Variants in KIAA0825 observed in about 807,000 individuals in gnomAD.
KIAA0825 encodes uncharacterized protein KIAA0825.
In KIAA0825, 119 loss-of-function variants were observed where a neutral mutation model predicts 147.6. The observed-to-expected ratio is 0.81, with a 90% confidence interval of 0.69 to 0.94. The LOEUF is 0.94. Among genes scored for constraint, KIAA0825 ranks in the 40% least tolerant of loss-of-function variants. The pLI, the probability that KIAA0825 is intolerant of heterozygous loss-of-function variation, is 0.00. For missense variants in KIAA0825, 1,381 were observed against 1,472.7 expected (o/e 0.94, Z 1.02); for synonymous variants, 470 against 518.1 (o/e 0.91, Z 1.26).
At chr5:94,209,888 T>C (rs1772545476) in intron 20 of KIAA0825, among the ~76,000 whole-genome samples, 1 of 152,180 alleles carries the variant, frequency 6.6e-6, no homozygotes, top group Admixed American at 6.5e-5. Flanking sequence ...GTTGAACCGA[T>C]TCACCACCCA....
At chr5:94,469,821 A>T (rs1562528457) in intron 10 of KIAA0825, 140 bp downstream of exon 10, 1 of 633,054 alleles carries the variant, frequency 1.6e-6, no homozygotes, top group East Asian at 3.0e-5. Flanking sequence ...CCTAAGTATG[A>T]ATTCAATATT....
intron 20 of KIAA0825, among the ~76,000 whole-genome samples, chr5:94,341,870 G>C (rs1336692622): frequency 2.6e-5 from 4 of 152,058 alleles, no homozygotes; most frequent in Non-Finnish European, 5.9e-5. Context: ...ACTATACTGA[G>C]GGAAATAAAG....
intron 20 of KIAA0825, among the ~76,000 whole-genome samples, chr5:94,210,532 G>C (rs1274489442): frequency 6.6e-6 from 1 of 152,106 alleles, no homozygotes; most frequent in Non-Finnish European, 1.5e-5. Flanking sequence ...TAGGAAACCG[G>C]CTCTGCAAGC....
intron 2 of KIAA0825, among the ~76,000 whole-genome samples, chr5:94,547,365 A>G (rs1774611177): frequency 6.6e-6 from 1 of 152,182 alleles, no homozygotes; most frequent in Non-Finnish European, 1.5e-5. Context: ...AGAAGGTTAT[A>G]GAACACCAAG....
chr5:94,260,885 T>C (rs1776457906), intron 20 of KIAA0825, among the ~76,000 whole-genome samples: 1 of 152,164 alleles, frequency 6.6e-6, no homozygotes, highest in African/African-American at 2.4e-5. Context: ...ACACCAAAAA[T>C]CTAAGCTTCC....
At chr5:94,446,803 C>G (rs1757785810) in intron 13 of KIAA0825, among the ~76,000 whole-genome samples, 1 of 152,134 alleles carries the variant, frequency 6.6e-6, no homozygotes, top group South Asian at 2.1e-4. Flanking sequence ...TTTGAGAAAA[C>G]TCTTGCTACA....
Position 94,396,701 on chromosome 5 carries a change from G to GT in KIAA0825, c.2888-193dup, listed in dbSNP as rs199881348. 3.3e-3 allele frequency among the ~76,000 whole-genome samples: 473 copies of GT among 144,972 alleles called. 3 individuals carry two copies. Among genetic ancestry groups the GT allele is most frequent in the African/African-American group, 7.9e-3 (315 of 39,676 alleles). On this transcript the variant is annotated intron_variant, in intron 16 of 20. Transcript: ENST00000682413. ...CTAAAATTCCCCCAAATCAAAATCT[G>GT]TTTTTTTTTTTCTCTCATAAATGAT...
intron 5 of KIAA0825, among the ~76,000 whole-genome samples, chr5:94,498,976 G>A (rs1443502707): frequency 2.6e-5 from 4 of 152,062 alleles, no homozygotes; most frequent in Admixed American, 2.0e-4. Flanking sequence ...GGTCTTATAA[G>A]GTTTTTCTCC....
chr5:94,408,515 TTG>T (rs3050853), intron 15 of KIAA0825, among the ~76,000 whole-genome samples: 2,114 of 147,024 alleles, frequency 0.014, 26 homozygotes, highest in South Asian at 0.03. Flanking sequence ...CTCAGCTAAT[TTG>T]TGTGTGTGTG....
chr5:94,299,607 A>G (rs1778295175), intron 20 of KIAA0825, among the ~76,000 whole-genome samples: 1 of 152,160 alleles, frequency 6.6e-6, no homozygotes, highest in African/African-American at 2.4e-5. Context: ...AAAACTGTTA[A>G]GGTGAATTCT....
chr5:94,527,707 G>A (rs566110667), intron 3 of KIAA0825, among the ~76,000 whole-genome samples: 3 of 151,954 alleles, frequency 2.0e-5, no homozygotes, highest in South Asian at 2.1e-4. Context: ...CTGAAATTTC[G>A]ATTCTGTTAC....
At chr5:94,214,844 C>A (rs1334610733) in intron 20 of KIAA0825, among the ~76,000 whole-genome samples, 2 of 152,076 alleles carry the variant, frequency 1.3e-5, no homozygotes, top group Non-Finnish European at 2.9e-5. Flanking sequence ...GAGGGCCTAG[C>A]CTGAGTTTTG....
At chr5:94,204,244 T>C (rs1448562178) in intron 20 of KIAA0825, among the ~76,000 whole-genome samples, 2 of 152,188 alleles carry the variant, frequency 1.3e-5, no homozygotes, top group Non-Finnish European at 2.9e-5. Flanking sequence ...TTGTGACAAA[T>C]AGCCAAATAT....
intron 20 of KIAA0825, among the ~76,000 whole-genome samples, chr5:94,358,103 A>T (rs1235081699): frequency 6.6e-6 from 1 of 152,216 alleles, no homozygotes; most frequent in Admixed American, 6.5e-5. Flanking sequence ...TTATCTATAA[A>T]TGTTTAATCA....
intron 1 of KIAA0825, among the ~76,000 whole-genome samples, chr5:94,614,154 A>C (rs767178721): frequency 1.2e-4 from 19 of 152,228 alleles, no homozygotes; most frequent in Non-Finnish European, 2.6e-4. Flanking sequence ...TTGACATGGA[A>C]AAATTCATGG....
At chr5:94,230,759 A>T (rs1313425645) in intron 20 of KIAA0825, among the ~76,000 whole-genome samples, 1 of 152,158 alleles carries the variant, frequency 6.6e-6, no homozygotes, top group Non-Finnish European at 1.5e-5. Flanking sequence ...AGCCATGTAA[A>T]CCTACTGAGC....
At position 94,218,729 on chromosome 5, in the gene KIAA0825, A is replaced by G. The variant is rs536663398; in HGVS notation, c.3711-64605T>C. 7.9e-5 allele frequency among the ~76,000 whole-genome samples: 12 copies of G among 152,266 alleles called. No homozygotes were observed. The South Asian group carries it at 1.7e-3, about 21-fold the overall frequency. ...GTGTCCTGCCTCTACCCTCTAATTT[A>G]TGCTCCTTCCTCCTCACTGCATATT... is the stretch of plus-strand genomic sequence containing the variant. On this transcript the variant is annotated intron_variant, in intron 20 of 20. Coordinates refer to ENST00000682413, the MANE Select transcript of KIAA0825 (RefSeq NM_001145678.3).
intron 20 of KIAA0825, among the ~76,000 whole-genome samples, chr5:94,169,876 A>C (rs1768439013): frequency 6.6e-6 from 1 of 152,162 alleles, no homozygotes; most frequent in Admixed American, 6.6e-5. Flanking sequence ...CAATTTTATG[A>C]GATGGGTTAA....
At chr5:94,428,142 GTT>G (rs1755145241) in intron 14 of KIAA0825, among the ~76,000 whole-genome samples, 1 of 111,976 alleles carries the variant, frequency 8.9e-6, no homozygotes, top group African/African-American at 3.3e-5. Flanking sequence ...ATAAGGTCTT[GTT>G]GTGTGTGTGT....
Sources: gnomAD v4.1 joint callset for allele counts (sites outside exome capture counted in the v4.1 genomes callset) on GRCh38, gnomAD v4.1.1 for gene constraint, MANE v1.5 for transcripts, NCBI Gene and HGNC (gene_info 2026-07-23, HGNC 2026-07-21) for gene names.